Variants in PRKN observed in about 807,000 individuals in gnomAD.
PRKN encodes parkin RBR E3 ubiquitin protein ligase, also known as E3 ubiquitin-protein ligase parkin.
Under a neutral mutation model 59.5 loss-of-function variants are expected in PRKN, and 56 were observed. The ratio of observed to expected loss-of-function variants is 0.94; its 90% confidence interval spans 0.76 to 1.18. The LOEUF (loss-of-function observed/expected upper bound fraction) is 1.18, where lower values mean the gene tolerates loss of function less well. Ranked by LOEUF, PRKN falls within the 50% of genes most tolerant of loss-of-function variation. PRKN has a pLI of 0.00. For missense variants in PRKN, 657 were observed against 596.4 expected (o/e 1.10, Z -1.06); for synonymous variants, 250 against 222.1 (o/e 1.13, Z -1.12).
intron 6 of PRKN, among the ~76,000 whole-genome samples, chr6:161,968,145 C>A (rs1282377401): frequency 1.3e-5 from 2 of 151,510 alleles, no homozygotes; most frequent in South Asian, 2.1e-4. Flanking sequence ...CTCAGCCTCC[C>A]GAGTAGCTGG....
In PRKN at chr6:161,890,569, T is replaced by C. The variant is rs530707333; in HGVS notation, c.734+82733A>G. ...CGGCCGGATTTAAGCCTTGGGGGAA[T>C]GCTGGAGAAAAGGTGGATGCTGTCT... On this transcript the variant is annotated intron_variant, in intron 6 of 11. Coordinates refer to ENST00000366898, the MANE Select transcript of PRKN (RefSeq NM_004562.3). Among the ~76,000 whole-genome samples the C allele has an allele frequency of 5.9e-5, 9 of 152,280 alleles. No individual in the cohort carries two copies. In the East Asian group the frequency reaches 1.7e-3, roughly 29 times the overall value.
Position 161,545,174 on chromosome 6 carries a change from C to T in PRKN, c.1083+3680G>A. ...TAACAGCTAACATTTCTTGCATACC[C>T]ACATGGTAAGAGTTGTACTTTTTCT... is the stretch of plus-strand genomic sequence containing the variant. On this transcript the variant is annotated intron_variant, in intron 9 of 11. Coordinates refer to ENST00000366898, the MANE Select transcript of PRKN (RefSeq NM_004562.3). The surrounding 1 kb of genome is among the most constrained non-coding windows in gnomAD (Gnocchi z 4.1). The T allele has an allele frequency of 1.5e-6, 2 of 1,329,164 alleles. No individual in the cohort carries two copies. Among genetic ancestry groups the T allele is most frequent in the South Asian group, 2.3e-5 (1 of 44,236 alleles). 82.3% of individuals were successfully genotyped at this position (1,329,164 alleles called of 1,614,324 possible). A position where few individuals can be genotyped will look rare whatever the true frequency, so the allele number is the denominator to read the frequency against.
intron 9 of PRKN, among the ~76,000 whole-genome samples, chr6:161,464,527 T>C (rs1790360723): frequency 6.6e-6 from 1 of 152,210 alleles, no homozygotes; most frequent in African/African-American, 2.4e-5. Flanking sequence ...AATCAGGATG[T>C]ATTTTATAAC....
At chr6:162,631,551 C>G (rs1413620366) in intron 1 of PRKN, among the ~76,000 whole-genome samples, 1 of 151,888 alleles carries the variant, frequency 6.6e-6, no homozygotes. Context: ...TTGTGTTTTG[C>G]TTCTTGATTT....
At chr6:162,705,339 G>T (rs191943601) in intron 1 of PRKN, among the ~76,000 whole-genome samples, 1 of 152,268 alleles carries the variant, frequency 6.6e-6, no homozygotes, top group Non-Finnish European at 1.5e-5. Context: ...CAATGCCATA[G>T]ATGTAAATGT....
chr6:162,028,508 C>T (rs542202769), intron 5 of PRKN, among the ~76,000 whole-genome samples: 1 of 152,118 alleles, frequency 6.6e-6, no homozygotes. Context: ...TGGAGGTGTG[C>T]GTGGAAACTT....
intron 4 of PRKN, among the ~76,000 whole-genome samples, chr6:162,138,822 G>C (rs1407388784): frequency 6.6e-6 from 1 of 152,188 alleles, no homozygotes; most frequent in Non-Finnish European, 1.5e-5. Context: ...TGAAGAAATA[G>C]CAAGAGAACC....
chr6:161,845,489 G>A (rs551000942), intron 6 of PRKN, among the ~76,000 whole-genome samples: 42 of 152,294 alleles, frequency 2.8e-4, no homozygotes, highest in African/African-American at 9.9e-4. Context: ...GCAGGAAAAT[G>A]TCCTCACGTG....
rs980712392 is a variant in PRKN, at chr6:161,417,746, C to T, written c.1084-30869G>A. On this transcript the variant is annotated intron_variant, in intron 9 of 11. Transcript: ENST00000366898. This position sits in a 1 kb window ranked among gnomAD's most constrained non-coding sequence, Gnocchi z 5.4. Reference sequence around the variant, plus strand: ...GCCAATTAGTCATCCCTCCGGCCCCCCTGGGTTTTAACCTCTAGACCTAGA... The same window carrying T: ...GCCAATTAGTCATCCCTCCGGCCCCTCTGGGTTTTAACCTCTAGACCTAGA... Among the ~76,000 whole-genome samples, 1 of 152,186 alleles carries T rather than the reference C, an allele frequency of 6.6e-6. No individual in the cohort carries two copies. Among genetic ancestry groups the T allele is most frequent in the Non-Finnish European group, 1.5e-5 (1 of 68,036 alleles).
At chr6:162,411,394 C>G (rs1398548949) in intron 2 of PRKN, among the ~76,000 whole-genome samples, 3 of 152,090 alleles carry the variant, frequency 2.0e-5, no homozygotes, top group South Asian at 2.1e-4. Context: ...ACTTAGACAG[C>G]ACAGTATAAG....
intron 1 of PRKN, among the ~76,000 whole-genome samples, chr6:162,553,240 C>T (rs1583786707): frequency 6.6e-6 from 1 of 152,070 alleles, no homozygotes; most frequent in East Asian, 1.9e-4. Flanking sequence ...CAAGTGGAGG[C>T]CTTTGCATCT....
intron 1 of PRKN, among the ~76,000 whole-genome samples, chr6:162,591,962 G>GT (rs1196683577): frequency 1.3e-5 from 2 of 150,926 alleles, no homozygotes; most frequent in African/African-American, 4.9e-5. Flanking sequence ...CAGCTTCACA[G>GT]TTTACAAAGA....
Position 161,578,548 on chromosome 6 carries a change from T to C in PRKN, c.872-9132A>G, listed in dbSNP as rs185472654. ...CCACTGACCCCAAACTACTATGTCA[T>C]TGATCTGCTCAACTCCAATCAGTTT... is the stretch of plus-strand genomic sequence containing the variant. On this transcript the variant is annotated intron_variant, in intron 7 of 11. Coordinates refer to ENST00000366898, the MANE Select transcript of PRKN (RefSeq NM_004562.3). This position sits in a 1 kb window ranked among gnomAD's most constrained non-coding sequence, Gnocchi z 4.2. Among the ~76,000 whole-genome samples, 24 of 152,296 alleles carry C rather than the reference T, an allele frequency of 1.6e-4. No homozygotes were observed. The highest frequency in any genetic ancestry group is 3.3e-4 in the Admixed American group (5 of 15,294).
At chr6:161,954,974 A>G (rs1032350116) in intron 6 of PRKN, among the ~76,000 whole-genome samples, 16 of 152,182 alleles carry the variant, frequency 1.1e-4, no homozygotes, top group Non-Finnish European at 1.5e-5. Flanking sequence ...TCACATGCAC[A>G]ATCTTAAATT....
At chr6:162,580,005 G>T (rs1562404294) in intron 1 of PRKN, among the ~76,000 whole-genome samples, 1 of 152,186 alleles carries the variant, frequency 6.6e-6, no homozygotes, top group East Asian at 1.9e-4. Context: ...CATTATTTTA[G>T]ATTATTTTCT....
At chr6:162,034,184 TATAGAGAG>T (rs1328974923) in intron 5 of PRKN, among the ~76,000 whole-genome samples, 9 of 122,802 alleles carry the variant, frequency 7.3e-5, no homozygotes, top group Middle Eastern at 3.7e-3. Context: ...TATATATATA[TATAGAGAG>T]AGAGAGAGAG....
At chr6:161,876,153 A>G (rs1486462438) in intron 6 of PRKN, among the ~76,000 whole-genome samples, 2 of 152,106 alleles carry the variant, frequency 1.3e-5, no homozygotes, top group Non-Finnish European at 2.9e-5. Context: ...ACAAATATAA[A>G]TGTTTTAACA....
At chr6:162,467,125 G>A (rs1274619458) in intron 1 of PRKN, among the ~76,000 whole-genome samples, 1 of 152,120 alleles carries the variant, frequency 6.6e-6, no homozygotes, top group Non-Finnish European at 1.5e-5. Context: ...TCTCAACAGT[G>A]CTGTTTAAAA....
chr6:162,521,920 GTAT>G (rs2128193736), intron 1 of PRKN, among the ~76,000 whole-genome samples: 1 of 152,188 alleles, frequency 6.6e-6, no homozygotes, highest in Non-Finnish European at 1.5e-5. Flanking sequence ...TTTTGACTCA[GTAT>G]TATTGTTTTC....
Sources: gnomAD v4.1 joint callset for allele counts (sites outside exome capture counted in the v4.1 genomes callset) on GRCh38, gnomAD v4.1.1 for gene constraint, Gnocchi (gnomAD v3.1) non-coding constraint, MANE v1.5 for transcripts, NCBI Gene and HGNC (gene_info 2026-07-23, HGNC 2026-07-21) for gene names.